ANO4: variants seen among roughly 807,000 people sequenced by gnomAD.
ANO4 encodes the protein anoctamin 4.
A neutral mutation model predicts 141.9 loss-of-function variants in ANO4; 69 were observed. That is an observed-to-expected ratio of 0.49 (90% CI 0.40 to 0.59). The LOEUF is 0.59. ANO4 is among the 20% of genes least tolerant of loss of function. ANO4 has a pLI of 0.00. For synonymous variants in ANO4, 350 were observed against 394.3 expected, an observed-to-expected ratio of 0.89 and a Z score of 1.33; for missense variants, 894 against 1,162.2, an observed-to-expected ratio of 0.77 and a Z score of 3.36.
At chr12:100,802,526 G>A (rs536082393) in intron 1 of ANO4, among the ~76,000 whole-genome samples, 3 of 152,340 alleles carry the variant, frequency 2.0e-5, no homozygotes, top group African/African-American at 7.2e-5. Context: ...TTTGGAGGAA[G>A]ATCTCTAGAT....
At chr12:101,054,148 A>G (rs926466520) in intron 14 of ANO4, among the ~76,000 whole-genome samples, 1 of 152,240 alleles carries the variant, frequency 6.6e-6, no homozygotes, top group Non-Finnish European at 1.5e-5. Context: ...AACAACGTAA[A>G]TGTCCAACAA....
At chr12:100,864,192 G>A (rs2038632051) in intron 1 of ANO4, among the ~76,000 whole-genome samples, 1 of 152,026 alleles carries the variant, frequency 6.6e-6, no homozygotes, top group Non-Finnish European at 1.5e-5. Flanking sequence ...CAATCACAGT[G>A]GCCACAGGAA....
At chr12:101,046,173 G>A (rs1162081937) in intron 13 of ANO4, among the ~76,000 whole-genome samples, 2 of 152,234 alleles carry the variant, frequency 1.3e-5, no homozygotes, top group African/African-American at 4.8e-5. Flanking sequence ...TTAGAACAAA[G>A]CAGAATTGGG....
At chr12:100,962,500 A>C (rs1344786574) in intron 5 of ANO4, among the ~76,000 whole-genome samples, 5 of 152,328 alleles carry the variant, frequency 3.3e-5, no homozygotes, top group African/African-American at 1.2e-4. Flanking sequence ...GTGGGTCAGG[A>C]GTCTGGGTAC....
At chr12:100,873,863 C>G (rs559181206) in intron 1 of ANO4, among the ~76,000 whole-genome samples, 94 of 152,330 alleles carry the variant, frequency 6.2e-4, no homozygotes, top group African/African-American at 2.0e-3. Context: ...CTCCTCCCAT[C>G]ATAGGGTCAG....
chr12:100,784,342 GT>G (rs1183220898), intron 3 of ANO4, among the ~76,000 whole-genome samples: 24 of 152,168 alleles, frequency 1.6e-4, no homozygotes, highest in Admixed American at 3.9e-4. Flanking sequence ...AACACCCCTT[GT>G]CCCCTTTTGG....
At chr12:100,873,869 G>A (rs528373285) in intron 1 of ANO4, among the ~76,000 whole-genome samples, 7 of 152,326 alleles carry the variant, frequency 4.6e-5, no homozygotes, top group African/African-American at 1.7e-4. Flanking sequence ...CCATCATAGG[G>A]TCAGAGGCCT....
At chr12:100,799,846 C>T (rs1486191573) in intron 1 of ANO4, among the ~76,000 whole-genome samples, 1 of 152,122 alleles carries the variant, frequency 6.6e-6, no homozygotes, top group Non-Finnish European at 1.5e-5. Flanking sequence ...CACATAGCAC[C>T]TGGGCCGGAT....
chr12:100,904,112 C>T (rs2040727254), intron 2 of ANO4, among the ~76,000 whole-genome samples: 1 of 152,156 alleles, frequency 6.6e-6, no homozygotes, highest in Admixed American at 6.5e-5. Flanking sequence ...TCTTTGTACT[C>T]CCAATAAATA....
intron 14 of ANO4, among the ~76,000 whole-genome samples, chr12:101,078,620 T>G (rs577418081): frequency 6.6e-6 from 1 of 152,206 alleles, no homozygotes; most frequent in East Asian, 1.9e-4. Context: ...AAAGAAATGG[T>G]TTGGAGAAAA....
intron 1 of ANO4, among the ~76,000 whole-genome samples, chr12:100,730,684 G>A (rs2031345891): frequency 6.6e-6 from 1 of 152,150 alleles, no homozygotes; most frequent in Non-Finnish European, 1.5e-5. Flanking sequence ...GTGTAAACCA[G>A]TGTAATCTTG....
chr12:101,114,031 C>G (rs542632214), intron 24 of ANO4, among the ~76,000 whole-genome samples: 3 of 152,300 alleles, frequency 2.0e-5, no homozygotes, highest in Admixed American at 2.0e-4. Flanking sequence ...TCTCAATTCT[C>G]CCTGATCATC....
chr12:101,051,189 T>C (rs746499404), intron 14 of ANO4, among the ~76,000 whole-genome samples: 7 of 152,132 alleles, frequency 4.6e-5, no homozygotes, highest in African/African-American at 1.4e-4. Context: ...AGATGACAAA[T>C]AGGTTTTGTT....
At chr12:101,082,557 A>G (rs1331035203) in intron 15 of ANO4, among the ~76,000 whole-genome samples, 3 of 152,160 alleles carry the variant, frequency 2.0e-5, no homozygotes, top group Admixed American at 6.5e-5. Context: ...TATCTCCTCA[A>G]GTATAACTGC....
chr12:100,868,374 T>C (rs145907576), intron 1 of ANO4, among the ~76,000 whole-genome samples: 301 of 152,274 alleles, frequency 2.0e-3, no homozygotes, highest in Non-Finnish European at 2.1e-3. Flanking sequence ...TTTTGTCTCT[T>C]CTATATGCCA....
intron 14 of ANO4, among the ~76,000 whole-genome samples, chr12:101,077,935 T>C (rs1208281861): frequency 6.6e-6 from 1 of 152,140 alleles, no homozygotes; most frequent in Non-Finnish European, 1.5e-5. Flanking sequence ...AGTTAATTGA[T>C]TTGCCAACAG....
At chr12:101,056,501 T>C (rs1475256573) in intron 14 of ANO4, among the ~76,000 whole-genome samples, 1 of 152,154 alleles carries the variant, frequency 6.6e-6, no homozygotes, top group Non-Finnish European at 1.5e-5. Flanking sequence ...TATAGATTCC[T>C]TAATATTTTC....
intron 3 of ANO4, among the ~76,000 whole-genome samples, chr12:100,764,881 T>C (rs944794159): frequency 2.0e-5 from 3 of 152,192 alleles, no homozygotes; most frequent in Admixed American, 2.0e-4. Context: ...TTTGTTGAGA[T>C]TTTTGCATGT....
intron 9 of ANO4, among the ~76,000 whole-genome samples, chr12:101,030,563 A>G (rs374975706): frequency 7.2e-4 from 110 of 152,340 alleles, no homozygotes; most frequent in African/African-American, 2.6e-3. Context: ...ATCACAATTA[A>G]AAGAGCTAGA....
Sources: allele counts gnomAD v4.1 joint callset (sites outside exome capture counted in the v4.1 genomes callset), GRCh38; gene constraint gnomAD v4.1.1; transcripts MANE v1.5; gene names NCBI Gene and HGNC (gene_info 2026-07-23, HGNC 2026-07-21).